Variants in MAST1 observed in about 807,000 individuals in gnomAD.
MAST1 encodes the protein microtubule-associated serine/threonine-protein kinase 1.
A neutral mutation model predicts 124.6 loss-of-function variants in MAST1; 40 were observed. The ratio of observed to expected loss-of-function variants is 0.32; its 90% confidence interval spans 0.25 to 0.42. The LOEUF (loss-of-function observed/expected upper bound fraction) is 0.42, where lower values mean the gene tolerates loss of function less well. MAST1 is among the 10% of genes least tolerant of loss of function. MAST1 has a pLI of 1.00. For missense variants in MAST1, 1,558 were observed against 2,181.9 expected (o/e 0.71, Z 5.70); for synonymous variants, 938 against 939.4 (o/e 1.00, Z 0.03).
Position 12,865,678 on chromosome 19 carries a change from AC to A in MAST1, c.1805-38del. On this transcript the variant is annotated intron_variant, in intron 15 of 25. Transcript: ENST00000251472. This position sits in a 1 kb window ranked among gnomAD's most constrained non-coding sequence, Gnocchi z 7.1. ...GAGATCCTGTGTCCAAACAACAACA[AC>A]AACAAAAACCGCCCCTAAGTTCCGT... is the stretch of plus-strand genomic sequence containing the variant. 6.4e-7 allele frequency: 1 copy of A among 1,553,296 alleles called. No homozygotes were observed. The highest frequency in any genetic ancestry group is 1.2e-5 in the South Asian group (1 of 86,066).
chr19:12,856,059 C>A (rs1336737828), intron 10 of MAST1, among the ~76,000 whole-genome samples: 21 of 151,796 alleles, frequency 1.4e-4, no homozygotes, highest in Admixed American at 1.4e-3. Flanking sequence ...ACCTCTTACA[C>A]TCTGCCCAAT....
At position 12,868,895 on chromosome 19, in the gene MAST1, G is replaced by A. The variant is rs756362411; in HGVS notation, c.2773+46G>A. The A allele has an allele frequency of 5.1e-6, 8 of 1,554,370 alleles. No homozygotes were observed. In the South Asian group the frequency reaches 9.8e-5, roughly 19 times the overall value. Reference sequence around the variant, plus strand: ...GCAGGGGAGGGGCTGCCCCCCATTTGAGGCAGGACAGACCAATGAAAATGC... The same window carrying A: ...GCAGGGGAGGGGCTGCCCCCCATTTAAGGCAGGACAGACCAATGAAAATGC... On this transcript the variant is annotated intron_variant, in intron 21 of 25. Transcript: ENST00000251472.
rs1970044777 is a variant in MAST1, at chr19:12,858,611, G to T, written c.1238G>T (p.Arg413Leu). 4 of 1,614,134 alleles carry T rather than the reference G, an allele frequency of 2.5e-6. No homozygotes were observed. The highest frequency in any genetic ancestry group is 3.4e-6 in the Non-Finnish European group (4 of 1,180,058). ...KKINKQNLIL[R>L]NQIQQAFVER... is the part of the protein sequence containing the mutation. ...ATCAACAAGCAGAACTTGATCCTCC[G>T]CAACCAGATCCAGCAGGCCTTTGTG... The change falls in exon 12 of 26, where the codon CGC (arginine) becomes CTC (leucine). Residue 413 changes from arginine (R) to leucine (L), a missense_variant. By Grantham distance (102) the Arg-to-Leu change is moderately radical. Transcript: ENST00000251472.
In MAST1 at chr19:12,843,756, T is replaced by A; in HGVS notation, c.327+149T>A. 1 of 657,258 alleles carries A rather than the reference T, an allele frequency of 1.5e-6. No homozygotes were observed. 40.7% of individuals were successfully genotyped at this position (657,258 alleles called of 1,614,324 possible). ...TGACTCAAGCCTGTAATCCCAGTAC[T>A]TTGGGAGGCCAAGACAGAAGGATTG... is the stretch of plus-strand genomic sequence containing the variant. On this transcript the variant is annotated intron_variant, in intron 4 of 25. Transcript: ENST00000251472. The surrounding 1 kb of genome is among the most constrained non-coding windows in gnomAD (Gnocchi z 4.9).
chr19:12,840,664 C>T lies in MAST1; in HGVS notation c.172+130C>T, dbSNP rs1224928344. ...GAGGCGAACCAGTTTGGATAAGGGG[C>T]GGGGCCATGCTTGTGTGGGTGTGGT... On this transcript the variant is annotated intron_variant, in intron 2 of 25. Transcript: ENST00000251472. 9 of 707,816 alleles carry T rather than the reference C, an allele frequency of 1.3e-5. 1 individual carries two copies. The highest frequency in any genetic ancestry group is 2.2e-5 in the Admixed American group (1 of 46,492). 43.8% of individuals were successfully genotyped at this position (707,816 alleles called of 1,614,324 possible).
In MAST1 at chr19:12,867,850, C is replaced by A. The variant is rs1970176583; in HGVS notation, c.2439C>A (p.Asp813Glu). ...GCCGCTTCAGCGCCCCCCAAGAGGA[C>A]GAGGATGAGGCCCGGCTGCGCAGGC... is the stretch of plus-strand genomic sequence containing the variant. ...EPSRFSAPQE[D>E]EDEARLRRPP... Residue 813 changes from aspartate (D) to glutamate (E), a missense_variant, in exon 20 of 26, where the codon GAC becomes GAA. This residue lies in a region of MAST1 where 287 missense variants were observed against 308.0 expected (regional missense o/e 0.93). Coordinates refer to ENST00000251472, the MANE Select transcript of MAST1 (RefSeq NM_014975.3). 6.2e-7 allele frequency: 1 copy of A among 1,605,906 alleles called. No homozygotes were observed. The highest frequency in any genetic ancestry group is 1.7e-5 in the Admixed American group (1 of 58,438).
chr19:12,848,210 C>T (rs1361090271), intron 7 of MAST1, 153 bp downstream of exon 7: 1 of 667,372 alleles, frequency 1.5e-6, no homozygotes, highest in South Asian at 1.9e-5. Context: ...GAAGTGGTCC[C>T]TTCCCTAGGT....
Position 12,847,546 on chromosome 19 carries a change from T to C in MAST1, c.489-66T>C, listed in dbSNP as rs2290689. ...CCCCGCGAATAAAAGGGTTACATCT[T>C]GGGGCGGGGGCTCTCTGCGGGCTTG... is the stretch of plus-strand genomic sequence containing the variant. On this transcript the variant is annotated intron_variant, in intron 5 of 25. Transcript: ENST00000251472. The surrounding 1 kb of genome is among the most constrained non-coding windows in gnomAD (Gnocchi z 5.5). 505,219 of 1,612,096 alleles carry C rather than the reference T, an allele frequency of 0.31. 88,778 individuals are homozygous for C. Among genetic ancestry groups the C allele is most frequent in the East Asian group, 0.67 (29,963 of 44,804 alleles).
chr19:12,873,737 G>T lies in MAST1; in HGVS notation c.3580G>T (p.Ala1194Ser). Residue 1194 changes from alanine to serine, a missense_variant, in exon 26 of 26, where the codon GCG (alanine) becomes TCG (serine). By Grantham distance (99) the Ala-to-Ser change is moderately conservative. This residue lies in a region of MAST1 where 291 missense variants were observed against 475.8 expected (regional missense o/e 0.61). Coordinates refer to ENST00000251472, the MANE Select transcript of MAST1 (RefSeq NM_014975.3). ...SPKLHRQYRS[A>S]RCKSAGNIPL... is the part of the protein sequence containing the mutation. ...AAAGCTCCATCGCCAGTACCGCTCT[G>T]CGCGATGCAAGTCGGCCGGCAACAT... is the stretch of plus-strand genomic sequence containing the variant. 1.2e-6 allele frequency: 2 copies of T among 1,602,368 alleles called. No individual in the cohort carries two copies. Among genetic ancestry groups the T allele is most frequent in the Non-Finnish European group, 8.5e-7 (1 of 1,179,336 alleles).
Position 12,838,519 on chromosome 19 carries a change from C to T in MAST1, c.-54C>T, listed in dbSNP as rs1381887502. On this transcript the variant is annotated 5_prime_UTR_variant, in exon 1 of 26. Transcript: ENST00000251472. This position sits in a 1 kb window ranked among gnomAD's most constrained non-coding sequence, Gnocchi z 4.3. ...GCGCTTGCTCCCCGCGCCGCCGCCG[C>T]CGCCGCCTCCGCCGCTGCTGCCGCA... is the stretch of plus-strand genomic sequence containing the variant. 7.4e-7 allele frequency: 1 copy of T among 1,358,142 alleles called. No homozygotes were observed. The highest frequency in any genetic ancestry group is 9.7e-7 in the Non-Finnish European group (1 of 1,031,174). The allele number at this position is 1,358,142 out of a possible 1,614,324, so 84.1% of individuals were successfully genotyped here.
chr19:12,874,240 A>G lies in MAST1; in HGVS notation c.4083A>G (p.Glu1361=). ...SRPPVSSKEK[E]SPGGAEACTP... ...CACCAGTGTCGAGCAAGGAGAAGGA[A>G]TCCCCGGGGGGCGCCGAGGCGTGCA... The change falls in exon 26 of 26, where the codon GAA becomes GAG. Residue 1361 remains glutamate, a synonymous_variant. Transcript: ENST00000251472. This position sits in a 1 kb window ranked among gnomAD's most constrained non-coding sequence, Gnocchi z 6.6. 6.4e-7 allele frequency: 1 copy of G among 1,556,870 alleles called. No individual in the cohort carries two copies. The highest frequency in any genetic ancestry group is 1.2e-5 in the South Asian group (1 of 86,760).
Position 12,868,790 on chromosome 19 carries a change from C to A in MAST1, c.2714C>A (p.Thr905Asn), listed in dbSNP as rs1172492886. 7.5e-6 allele frequency: 12 copies of A among 1,608,150 alleles called. No individual in the cohort carries two copies. Among genetic ancestry groups the A allele is most frequent in the Non-Finnish European group, 9.3e-6 (11 of 1,176,618 alleles). ...DVAVEKRPSR[T>N]GGKVIKSASA... ...GCAGTAGAGAAGAGGCCTTCTCGAA[C>A]TGGGGGCAAAGTCATCAAATCAGCC... Residue 905 changes from threonine (T) to asparagine (N), a missense_variant, in exon 21 of 26, where the codon ACT becomes AAT. Thr to Asn is a moderately conservative substitution (Grantham distance 65). Around this residue, in one of 10 missense-constraint regions of MAST1, gnomAD observed 287 missense variants for 308.0 expected, o/e 0.93. Coordinates refer to ENST00000251472, the MANE Select transcript of MAST1 (RefSeq NM_014975.3).
chr19:12,863,379 C>A (rs977233622), intron 12 of MAST1, among the ~76,000 whole-genome samples: 1 of 151,850 alleles, frequency 6.6e-6, no homozygotes, highest in African/African-American at 2.4e-5. Flanking sequence ...CTGGGCCCCA[C>A]CCTCAGAGAG....
intron 1 of MAST1, 68 bp from the exon 2 acceptor site, chr19:12,840,378 G>A: frequency 8.2e-6 from 8 of 979,498 alleles, no homozygotes; most frequent in Non-Finnish European, 1.3e-5. Flanking sequence ...CAGGAGGTCA[G>A]CTGGTGGGGC....
In MAST1 at chr19:12,865,822, A is replaced by G; in HGVS notation, c.1906+4A>G. ...CCTCTGGTCAGGCTTGGGGCAGGTA[A>G]GTCCGCCATGCAGAGGAGCTGAGGG... On this transcript the variant is annotated splice_donor_region_variant and intron_variant, in intron 16 of 25. Transcript: ENST00000251472. This position sits in a 1 kb window ranked among gnomAD's most constrained non-coding sequence, Gnocchi z 7.1. 6.2e-7 allele frequency: 1 copy of G among 1,612,172 alleles called. No homozygotes were observed. The highest frequency in any genetic ancestry group is 8.5e-7 in the Non-Finnish European group (1 of 1,178,970).
At chr19:12,867,231 C>T (rs1185510417) in intron 18 of MAST1, among the ~76,000 whole-genome samples, 1 of 152,094 alleles carries the variant, frequency 6.6e-6, no homozygotes, top group African/African-American at 2.4e-5. Context: ...GAAGATGGGG[C>T]TGTGTAGAGA....
chr19:12,838,598 T>C lies in MAST1; in HGVS notation c.26T>C (p.Leu9Pro), dbSNP rs1456700734. The change falls in exon 1 of 26, where the codon CTT (leucine) becomes CCT (proline). Residue 9 changes from leucine to proline, a missense_variant. By Grantham distance (98) the Leu-to-Pro change is moderately conservative (BLOSUM62 -3). Transcript: ENST00000251472. The surrounding 1 kb of genome is among the most constrained non-coding windows in gnomAD (Gnocchi z 4.3). Reference sequence around the variant, plus strand: ...ATGTCTGACTCTCTCTGGACCGCGCTTTCTAATTTCTCGATGCCCTCCTTC... The same window carrying C: ...ATGTCTGACTCTCTCTGGACCGCGCCTTCTAATTTCTCGATGCCCTCCTTC... MSDSLWTALSNFSMPSFPG... is the reference protein window; with the variant it reads MSDSLWTAPSNFSMPSFPG... 1 of 1,609,716 alleles carries C rather than the reference T, an allele frequency of 6.2e-7. No homozygotes were observed. The highest frequency in any genetic ancestry group is 2.2e-5 in the East Asian group (1 of 44,492).
chr19:12,872,126 C>G lies in MAST1; in HGVS notation c.3263+954C>G, dbSNP rs150665109. 6.8e-4 allele frequency among the ~76,000 whole-genome samples: 103 copies of G among 152,164 alleles called. No individual in the cohort carries two copies. In the East Asian group the frequency reaches 0.019, roughly 28 times the overall value. ...TCCTGTTAGATGTGTTTAGACAGAA[C>G]TGGGAAAGGCTAGAATAAGAAATGT... On this transcript the variant is annotated intron_variant, in intron 24 of 25. Transcript: ENST00000251472.
At chr19:12,872,845 C>T in intron 24 of MAST1, 1 of 157,562 alleles carries the variant, frequency 6.3e-6, no homozygotes, top group Admixed American at 6.1e-5. Flanking sequence ...GTAGAGGTTG[C>T]AGTGAGCCGA....
Sources: allele counts gnomAD v4.1 joint callset (sites outside exome capture counted in the v4.1 genomes callset), GRCh38; gene constraint gnomAD v4.1.1; regional missense constraint gnomAD v4.1.1; non-coding constraint Gnocchi (gnomAD v3.1); transcripts MANE v1.5; gene names NCBI Gene and HGNC (gene_info 2026-07-23, HGNC 2026-07-21).